Variants in SMAD6 observed in about 807,000 individuals in gnomAD.
SMAD6 encodes SMAD family member 6.
A neutral mutation model predicts 39.4 loss-of-function variants in SMAD6; 103 were observed. The observed-to-expected ratio is 2.62, with a 90% CI of 2.23 to 3.08. The LOEUF (loss-of-function observed/expected upper bound fraction) is 3.08. Ranked by LOEUF, SMAD6 falls within the 30% of genes most tolerant of loss-of-function variation. The pLI, the probability that SMAD6 is intolerant of heterozygous loss-of-function variation, is 0.00. For missense variants in SMAD6, 1,104 were observed against 742.9 expected, an observed-to-expected ratio of 1.49 and a Z score of -5.65; for synonymous variants, 445 against 353.3, an observed-to-expected ratio of 1.26 and a Z score of -2.91.
intron 3 of SMAD6, among the ~76,000 whole-genome samples, chr15:66,776,647 A>G (rs570834244): frequency 6.6e-6 from 1 of 152,310 alleles, no homozygotes; most frequent in South Asian, 2.1e-4. Flanking sequence ...CCAGGATGCT[A>G]TCTTTGGGGC....
intron 3 of SMAD6, among the ~76,000 whole-genome samples, chr15:66,772,339 T>C (rs1288935204): frequency 6.6e-6 from 1 of 152,220 alleles, no homozygotes; most frequent in Non-Finnish European, 1.5e-5. Flanking sequence ...GTTCAGGTAG[T>C]GCATTTAAAG....
chr15:66,749,329 G>C (rs890477313), intron 3 of SMAD6, among the ~76,000 whole-genome samples: 4 of 152,086 alleles, frequency 2.6e-5, no homozygotes, highest in Non-Finnish European at 5.9e-5. Context: ...ATGGTGGTGG[G>C]TGCCTGTAAT....
At chr15:66,704,312 C>G in intron 1 of SMAD6, 1 of 372,670 alleles carries the variant, frequency 2.7e-6, no homozygotes, top group Non-Finnish European at 4.8e-6. Context: ...GGGTACATGT[C>G]GTAGTTTTCT....
chr15:66,716,223 T>A (rs959864301), intron 2 of SMAD6, among the ~76,000 whole-genome samples, 198 bp from the exon 3 acceptor site: 5 of 152,124 alleles, frequency 3.3e-5, no homozygotes, highest in African/African-American at 1.2e-4. Flanking sequence ...CCAGAAGAGT[T>A]CCTGGGCTGG....
chr15:66,761,120 C>T (rs1474853699), intron 3 of SMAD6, among the ~76,000 whole-genome samples: 1 of 152,152 alleles, frequency 6.6e-6, no homozygotes, highest in Non-Finnish European at 1.5e-5. Flanking sequence ...GATGGGGCGT[C>T]TGGATTGCCA....
intron 3 of SMAD6, among the ~76,000 whole-genome samples, chr15:66,753,576 G>A (rs774170180): frequency 1.3e-5 from 2 of 152,160 alleles, no homozygotes; most frequent in Non-Finnish European, 2.9e-5. Flanking sequence ...AAAGTCGTAC[G>A]TACCATACTA....
chr15:66,717,311 A>G, intron 3 of SMAD6: 1 of 464,454 alleles, frequency 2.2e-6, no homozygotes, highest in Non-Finnish European at 4.3e-6. Flanking sequence ...TCTCCATCTG[A>G]GACATTCTTC....
intron 3 of SMAD6, among the ~76,000 whole-genome samples, chr15:66,737,073 A>T (rs934911778): frequency 3.3e-5 from 5 of 152,180 alleles, no homozygotes; most frequent in African/African-American, 1.2e-4. Context: ...TTTGGGAAGG[A>T]ATAAACCAAG....
intron 3 of SMAD6, among the ~76,000 whole-genome samples, chr15:66,719,702 T>A (rs190200206): frequency 1.3e-5 from 2 of 152,292 alleles, no homozygotes; most frequent in East Asian, 3.9e-4. Context: ...AGGATGGGCC[T>A]CTTGAGGCTT....
At chr15:66,755,274 A>G (rs2140652582) in intron 3 of SMAD6, among the ~76,000 whole-genome samples, 1 of 152,346 alleles carries the variant, frequency 6.6e-6, no homozygotes, top group Non-Finnish European at 1.5e-5. Flanking sequence ...GTTTGTTCAC[A>G]GGACGGTGCC....
At chr15:66,765,735 T>A (rs1293322095) in intron 3 of SMAD6, among the ~76,000 whole-genome samples, 2 of 152,012 alleles carry the variant, frequency 1.3e-5, no homozygotes, top group Non-Finnish European at 2.9e-5. Flanking sequence ...GCAGGTTGGG[T>A]TGGTGCTATG....
chr15:66,727,878 G>T (rs1344957330), intron 3 of SMAD6, among the ~76,000 whole-genome samples: 1 of 151,658 alleles, frequency 6.6e-6, no homozygotes, highest in African/African-American at 2.4e-5. Context: ...TAGAGATAGA[G>T]TGTTGCTCTT....
chr15:66,768,234 A>C (rs1051802266), intron 3 of SMAD6, among the ~76,000 whole-genome samples: 2 of 152,126 alleles, frequency 1.3e-5, no homozygotes, highest in Admixed American at 6.5e-5. Context: ...GGCCTCCCAG[A>C]GTGCTGGGAT....
intron 3 of SMAD6, among the ~76,000 whole-genome samples, chr15:66,720,775 G>A (rs781130077): frequency 1.3e-5 from 2 of 152,212 alleles, no homozygotes; most frequent in Non-Finnish European, 2.9e-5. Flanking sequence ...ACTGGGCAGG[G>A]CCCTCAGGGT....
chr15:66,748,910 G>T (rs1340735161), intron 3 of SMAD6, among the ~76,000 whole-genome samples: 2 of 152,194 alleles, frequency 1.3e-5, no homozygotes, highest in African/African-American at 4.8e-5. Context: ...TGGGGACTCA[G>T]TTTCTCCTCA....
chr15:66,763,573 C>T (rs916645879), intron 3 of SMAD6, among the ~76,000 whole-genome samples: 5 of 152,232 alleles, frequency 3.3e-5, no homozygotes, highest in African/African-American at 7.2e-5. Flanking sequence ...ACCCTCTCCA[C>T]GCGATGGCTT....
chr15:66,760,030 C>T lies in SMAD6; in HGVS notation c.953-20967C>T, dbSNP rs536913297. 1.7e-4 allele frequency among the ~76,000 whole-genome samples: 26 copies of T among 152,310 alleles called. No individual in the cohort carries two copies. In the East Asian group the frequency reaches 4.8e-3, roughly 28 times the overall value. On this transcript the variant is annotated intron_variant, in intron 3 of 3. Coordinates refer to ENST00000288840, the MANE Select transcript of SMAD6 (RefSeq NM_005585.5). ...TCAAACGAGACCTTTCTGGCCTTGTCTCCTGCCCGTGTGCCTCTGCCCATG... is the reference window on the plus strand; with the variant it reads ...TCAAACGAGACCTTTCTGGCCTTGTTTCCTGCCCGTGTGCCTCTGCCCATG...
intron 3 of SMAD6, among the ~76,000 whole-genome samples, chr15:66,739,715 A>G (rs1250664930): frequency 1.3e-5 from 2 of 152,252 alleles, no homozygotes; most frequent in African/African-American, 2.4e-5. Context: ...AAAAGTGCAA[A>G]GAGATGCGGG....
At chr15:66,778,085 C>CT (rs11462070) in intron 3 of SMAD6, among the ~76,000 whole-genome samples, 37,085 of 139,460 alleles carry the variant, frequency 0.27, 5,610 homozygotes, top group South Asian at 0.43. Context: ...TTTTCTTTTC[C>CT]TTTTTTTTTT....
Sources: allele counts gnomAD v4.1 joint callset (sites outside exome capture counted in the v4.1 genomes callset), GRCh38; gene constraint gnomAD v4.1.1; transcripts MANE v1.5; gene names NCBI Gene and HGNC (gene_info 2026-07-23, HGNC 2026-07-21).